Variants in RNF17 observed in about 807,000 individuals in gnomAD.
The protein encoded by RNF17 is ring finger protein 17, also known as spermatogenesis associated 23.
In RNF17, 31 loss-of-function variants were observed where a neutral mutation model predicts 200.5. The ratio of observed to expected loss-of-function variants is 0.15; its 90% CI spans 0.12 to 0.21. The LOEUF (loss-of-function observed/expected upper bound fraction) is 0.21. Ranked by LOEUF, RNF17 falls within the 10% of genes least tolerant of loss-of-function variation. The pLI, the probability that RNF17 is intolerant of heterozygous loss-of-function variation, is 1.00. For synonymous variants in RNF17, 606 were observed against 637.8 expected, an observed-to-expected ratio of 0.95 and a Z score of 0.75; for missense variants, 1,628 against 1,905.1, an observed-to-expected ratio of 0.85 and a Z score of 2.71.
intron 2 of RNF17, among the ~76,000 whole-genome samples, chr13:24,770,055 A>G (rs1593206032): frequency 6.6e-6 from 1 of 152,166 alleles, no homozygotes; most frequent in Non-Finnish European, 1.5e-5. Context: ...TCTAAAATAC[A>G]TTGGGCCATG....
At chr13:24,764,470 C>T (rs1432663116) in intron 1 of RNF17, 137 bp downstream of exon 1, 2 of 1,268,672 alleles carry the variant, frequency 1.6e-6, no homozygotes, top group Admixed American at 2.8e-5. Flanking sequence ...ACAGGCCTCC[C>T]GCGAGCTGCA....
chr13:24,749,788 C>T, the RNF17 span, among the ~76,000 whole-genome samples: 47 of 151,930 alleles, frequency 3.1e-4, no homozygotes, highest in African/African-American at 1.1e-3. Flanking sequence ...CTGTCTCTTT[C>T]GCCCAGGCTG....
intron 14 of RNF17, among the ~76,000 whole-genome samples, chr13:24,803,562 G>C (rs1885506722): frequency 6.6e-6 from 1 of 152,196 alleles, no homozygotes; most frequent in Non-Finnish European, 1.5e-5. Flanking sequence ...GGGATTACAG[G>C]CGTGAGCCAC....
At chr13:24,879,036 C>T in intron 34 of RNF17, 151 bp from the exon 35 acceptor site, 1 of 598,250 alleles carries the variant, frequency 1.7e-6, no homozygotes. Flanking sequence ...TTGCAGGAAA[C>T]CACTACAGAT....
chr13:24,856,110 T>C (rs1892457176), intron 25 of RNF17, among the ~76,000 whole-genome samples: 1 of 152,106 alleles, frequency 6.6e-6, no homozygotes, highest in Admixed American at 6.5e-5. Context: ...TGTTTTTTGG[T>C]TTTGTATCTC....
intron 15 of RNF17, among the ~76,000 whole-genome samples, chr13:24,812,321 C>G (rs1222353126): frequency 4.0e-5 from 6 of 151,552 alleles, no homozygotes; most frequent in African/African-American, 1.4e-4. Context: ...CACTCTGAGC[C>G]ATGTGCGGGA....
intron 15 of RNF17, among the ~76,000 whole-genome samples, chr13:24,821,286 C>T (rs941753022): frequency 2.0e-5 from 3 of 152,104 alleles, no homozygotes; most frequent in Admixed American, 6.5e-5. Context: ...GAACCTGTAT[C>T]GAAATTAGGT....
Position 24,771,568 on chromosome 13 carries a change from T to C in RNF17, c.226-3245T>C, listed in dbSNP as rs61948147. On this transcript the variant is annotated intron_variant, in intron 2 of 35. Transcript: ENST00000255324. Reference sequence around the variant, plus strand: ...CCCAGCCTCTCACTTTTGATTTTATTGCATTTAGCCATTCAGAAGTGTTTC... The same window carrying C: ...CCCAGCCTCTCACTTTTGATTTTATCGCATTTAGCCATTCAGAAGTGTTTC... Among the ~76,000 whole-genome samples the C allele has an allele frequency of 3.6e-3, 553 of 151,988 alleles. 4 individuals carry two copies. The highest frequency in any genetic ancestry group is 6.0e-3 in the Non-Finnish European group (409 of 67,980).
At position 24,854,105 on chromosome 13, in the gene RNF17, G is replaced by A; in HGVS notation, c.3571G>A (p.Gly1191Ser). The A allele has an allele frequency of 6.2e-7, 1 of 1,613,840 alleles. No individual in the cohort carries two copies. The highest frequency in any genetic ancestry group is 1.7e-4 in the Middle Eastern group (1 of 6,058). ...NVFEATVSCV[G>S]DDGTIFVVPK... ...ATTTGAGGCAACAGTCAGCTGTGTT[G>A]GTGATGATGGAACTATATTTGTAGT... The change falls in exon 25 of 36, where the codon GGT becomes AGT. Residue 1191 changes from glycine (G) to serine (S), a missense_variant. Physicochemically the swap from Gly to Ser is moderately conservative, Grantham distance 56 (BLOSUM62 0). Coordinates refer to ENST00000255324, the MANE Select transcript of RNF17 (RefSeq NM_031277.3).
At chr13:24,770,064 T>C (rs1285731014) in intron 2 of RNF17, among the ~76,000 whole-genome samples, 1 of 152,110 alleles carries the variant, frequency 6.6e-6, no homozygotes, top group Admixed American at 6.5e-5. Flanking sequence ...CATTGGGCCA[T>C]GAAGAAAGGA....
chr13:24,772,563 CAGAT>C (rs760455807), intron 2 of RNF17, among the ~76,000 whole-genome samples: 10 of 150,408 alleles, frequency 6.6e-5, no homozygotes, highest in Admixed American at 4.7e-4. Context: ...GGAAAAGAAA[CAGAT>C]AACTCCATTA....
the RNF17 span, among the ~76,000 whole-genome samples, chr13:24,758,122 C>T: frequency 2.8e-4 from 43 of 152,322 alleles, no homozygotes; most frequent in Non-Finnish European, 5.0e-4. Context: ...GCCTGCAGAA[C>T]CATGAGCCAA....
chr13:24,804,427 T>C lies in RNF17; in HGVS notation c.2089T>C (p.Leu697=), dbSNP rs370083929. The change falls in exon 15 of 36, where the codon TTG becomes CTG. Residue 697 remains leucine (L), a splice_region_variant and synonymous_variant. Transcript: ENST00000255324. ...TAGTCCTGGAGATTTCTATCTTCAG[T>C]TGGTAAGTATATAATGTGTTTTTGA... ...INSPGDFYLQ[L]IEGLDILFLL... is the part of the protein sequence containing the mutation. 16 of 1,606,366 alleles carry C rather than the reference T, an allele frequency of 1.0e-5. No individual in the cohort carries two copies. In the African/African-American group the frequency reaches 2.0e-4, roughly 20 times the overall value.
chr13:24,863,508 G>T (rs942890813), intron 28 of RNF17, among the ~76,000 whole-genome samples: 1 of 152,134 alleles, frequency 6.6e-6, no homozygotes, highest in Non-Finnish European at 1.5e-5. Flanking sequence ...GAGCAGTGAG[G>T]TAATAAGATC....
intron 26 of RNF17, among the ~76,000 whole-genome samples, chr13:24,859,965 G>T (rs1433646225): frequency 6.6e-6 from 1 of 151,982 alleles, no homozygotes; most frequent in African/African-American, 2.4e-5. Flanking sequence ...TCACTGGGTA[G>T]TAATGCTAGA....
At chr13:24,863,830 A>T (rs1485807116) in intron 28 of RNF17, among the ~76,000 whole-genome samples, 1 of 152,214 alleles carries the variant, frequency 6.6e-6, no homozygotes. Context: ...GAGACCACGA[A>T]TGTGCATGCC....
chr13:24,829,854 A>T (rs2138012332), intron 16 of RNF17, among the ~76,000 whole-genome samples: 2 of 152,228 alleles, frequency 1.3e-5, no homozygotes, highest in South Asian at 4.1e-4. Flanking sequence ...TTTTTTTGCA[A>T]TATGCCCCAA....
chr13:24,876,705 G>C (rs1407672874), intron 33 of RNF17, among the ~76,000 whole-genome samples: 1 of 152,126 alleles, frequency 6.6e-6, no homozygotes, highest in Non-Finnish European at 1.5e-5. Context: ...GTGCTTGTTG[G>C]TCATTTGTAG....
At chr13:24,787,727 CT>C (rs1447052097) in intron 6 of RNF17, among the ~76,000 whole-genome samples, 1 of 152,144 alleles carries the variant, frequency 6.6e-6, no homozygotes, top group Non-Finnish European at 1.5e-5. Flanking sequence ...ACAAAATTTG[CT>C]TTTCTCTAAT....
Sources: allele counts gnomAD v4.1 joint callset (sites outside exome capture counted in the v4.1 genomes callset), GRCh38; gene constraint gnomAD v4.1.1; transcripts MANE v1.5; gene names NCBI Gene and HGNC (gene_info 2026-07-23, HGNC 2026-07-21).